ATL1: variants seen among roughly 807,000 people sequenced by gnomAD.
ATL1 encodes the protein atlastin-1.
A neutral mutation model predicts 75.5 loss-of-function variants in ATL1; 31 were observed. The ratio of observed to expected loss-of-function variants is 0.41; its 90% CI spans 0.31 to 0.55. ATL1 has a LOEUF of 0.55. Among genes scored for constraint, ATL1 ranks in the 20% least tolerant of loss-of-function variants. The pLI, the probability that ATL1 is intolerant of heterozygous loss-of-function variation, is 0.27. For synonymous variants in ATL1, 226 were observed against 233.3 expected, an observed-to-expected ratio of 0.97 and a Z score of 0.28; for missense variants, 405 against 662.6, an observed-to-expected ratio of 0.61 and a Z score of 4.27.
intron 6 of ATL1, among the ~76,000 whole-genome samples, chr14:50,602,991 T>C (rs539263116): frequency 6.6e-6 from 1 of 152,152 alleles, no homozygotes; most frequent in Admixed American, 6.5e-5. Flanking sequence ...CTGGGCACAC[T>C]CCAGCAGACA....
At chr14:50,576,141 A>G (rs2039003989) in intron 1 of ATL1, among the ~76,000 whole-genome samples, 1 of 152,234 alleles carries the variant, frequency 6.6e-6, no homozygotes, top group African/African-American at 2.4e-5. Flanking sequence ...TCAATAAATT[A>G]CATAAGATAG....
chr14:50,555,306 G>A (rs1005696880), upstream of ATL1, among the ~76,000 whole-genome samples: 1 of 152,132 alleles, frequency 6.6e-6, no homozygotes, highest in Non-Finnish European at 1.5e-5. Flanking sequence ...TTTTGAGACG[G>A]AGTCTCGCTC....
chr14:50,547,625 AG>A (rs2038650704), intron 1 of ATL1, among the ~76,000 whole-genome samples: 1 of 152,210 alleles, frequency 6.6e-6, no homozygotes, highest in African/African-American at 2.4e-5. Context: ...CCCCTATAAC[AG>A]CCCTGTGTGG....
At chr14:50,597,712 TGAGACGGAGTCTCACTCTGTC>T (rs2039233665) in intron 6 of ATL1, among the ~76,000 whole-genome samples, 1 of 152,238 alleles carries the variant, frequency 6.6e-6, no homozygotes, top group African/African-American at 2.4e-5. Flanking sequence ...TTTTTCTTTT[TGAGACGGAGTCTCACTCTGTC>T]GCCCAGGCTG....
chr14:50,547,394 T>A (rs1299381403), intron 1 of ATL1, among the ~76,000 whole-genome samples: 1 of 152,130 alleles, frequency 6.6e-6, no homozygotes, highest in Non-Finnish European at 1.5e-5. Flanking sequence ...ATGAAATCTG[T>A]TATGTAGGGG....
intron 1 of ATL1, among the ~76,000 whole-genome samples, chr14:50,542,164 C>A (rs1052258135): frequency 6.7e-6 from 1 of 150,318 alleles, no homozygotes; most frequent in Non-Finnish European, 1.5e-5. Context: ...AACTATGTGA[C>A]ATTAACTGCT....
intron 12 of ATL1, 145 bp from the exon 13 acceptor site, chr14:50,629,850 A>C: frequency 1.9e-6 from 1 of 526,324 alleles, no homozygotes; most frequent in African/African-American, 2.0e-5. Flanking sequence ...TTCTGATAAA[A>C]TATGTAATCT....
chr14:50,568,697 CTTTT>C (rs779520512), intron 1 of ATL1, among the ~76,000 whole-genome samples: 1 of 152,056 alleles, frequency 6.6e-6, no homozygotes, highest in African/African-American at 2.4e-5. Context: ...GGTGTGACTT[CTTTT>C]GTTTGTCTTG....
chr14:50,603,069 A>G (rs936133056), intron 6 of ATL1, among the ~76,000 whole-genome samples: 13 of 152,204 alleles, frequency 8.5e-5, no homozygotes, highest in Non-Finnish European at 1.3e-4. Context: ...TTCTGTGTAC[A>G]GATAGTTAGT....
chr14:50,585,401 C>A (rs1161029615), intron 1 of ATL1, among the ~76,000 whole-genome samples: 1 of 152,122 alleles, frequency 6.6e-6, no homozygotes, highest in African/African-American at 2.4e-5. Context: ...AATATTATGT[C>A]TAGCTTGGGT....
intron 1 of ATL1, among the ~76,000 whole-genome samples, chr14:50,540,404 A>G (rs748890657): frequency 1.3e-5 from 2 of 152,164 alleles, no homozygotes; most frequent in Non-Finnish European, 2.9e-5. Flanking sequence ...ACATAAACCA[A>G]TTCACAAACC....
rs375743052 is a variant in ATL1 at position 50,534,304 on chromosome 14, G to A, written c.-140+937G>A. On this transcript the variant is annotated intron_variant, in intron 1 of 13. Coordinates refer to the ATL1 transcript ENST00000441560. Reference sequence around the variant, plus strand: ...ATGACGTTAAAGAGAAGGAAAATACGAAACCAGAACAGTGTGACAAATCGG... The same window carrying A: ...ATGACGTTAAAGAGAAGGAAAATACAAAACCAGAACAGTGTGACAAATCGG... Among the ~76,000 whole-genome samples the A allele has an allele frequency of 3.9e-5, 6 of 152,136 alleles. No individual in the cohort carries two copies. The East Asian group carries it at 5.8e-4, about 15-fold the overall frequency.
At chr14:50,551,268 A>T (rs190975440) in intron 1 of ATL1, among the ~76,000 whole-genome samples, 29 of 152,280 alleles carry the variant, frequency 1.9e-4, no homozygotes, top group Admixed American at 9.8e-4. Flanking sequence ...CACAAACTAG[A>T]AAGTCTAAAG....
intron 8 of ATL1, among the ~76,000 whole-genome samples, chr14:50,617,786 GC>G (rs1477110298): frequency 1.3e-5 from 2 of 152,186 alleles, no homozygotes; most frequent in African/African-American, 4.8e-5. Flanking sequence ...GCTTATTAAT[GC>G]CCCTCGGCAA....
At chr14:50,603,302 A>G (rs546423356) in intron 6 of ATL1, among the ~76,000 whole-genome samples, 1 of 152,300 alleles carries the variant, frequency 6.6e-6, no homozygotes, top group South Asian at 2.1e-4. Flanking sequence ...TTTATTAACC[A>G]TTTTCATACA....
chr14:50,537,494 G>A (rs1027406880), intron 1 of ATL1, among the ~76,000 whole-genome samples: 1 of 152,146 alleles, frequency 6.6e-6, no homozygotes, highest in African/African-American at 2.4e-5. Context: ...TGAGAAGAGG[G>A]CCACTGTCCT....
intron 13 of ATL1, among the ~76,000 whole-genome samples, chr14:50,631,709 G>A (rs2039583113): frequency 6.6e-6 from 1 of 152,174 alleles, no homozygotes; most frequent in South Asian, 2.1e-4. Flanking sequence ...AACAAGGCAA[G>A]AGCGTGTAAA....
upstream of ATL1, among the ~76,000 whole-genome samples, chr14:50,557,073 C>G (rs986899197): frequency 1.3e-5 from 2 of 152,096 alleles, no homozygotes; most frequent in Non-Finnish European, 1.5e-5. Context: ...AGACTTTTTC[C>G]CAAAGTATCT....
chr14:50,614,258 C>T lies in ATL1; in HGVS notation c.724-115C>T, dbSNP rs557991405. 280 of 1,144,102 alleles carry T rather than the reference C, an allele frequency of 2.4e-4. 2 individuals carry two copies. In the South Asian group the frequency reaches 3.5e-3, roughly 14 times the overall value. The allele number at this position is 1,144,102 out of a possible 1,614,324, so 70.9% of individuals were successfully genotyped here. The stretch of plus-strand genomic sequence containing the variant: ...CTTCTTTCTTTAGTAGCAGCCCTGT[C>T]GTGTCATTTTCATCATTGTGGGACC... On this transcript the variant is annotated intron_variant, in intron 7 of 13. Transcript: ENST00000358385.
Sources: allele counts gnomAD v4.1 joint callset (sites outside exome capture counted in the v4.1 genomes callset), GRCh38; gene constraint gnomAD v4.1.1; transcripts MANE v1.5; gene names NCBI Gene and HGNC (gene_info 2026-07-23, HGNC 2026-07-21).